ZNF438: variants seen among roughly 807,000 people sequenced by gnomAD.
The protein encoded by ZNF438 is zinc finger protein 438.
In ZNF438, 25 loss-of-function variants were observed where a neutral mutation model predicts 38.0. That is an observed-to-expected ratio of 0.66 (90% CI 0.48 to 0.92). The LOEUF (loss-of-function observed/expected upper bound fraction) is 0.92, where lower values mean the gene tolerates loss of function less well. ZNF438 is among the 40% of genes least tolerant of loss of function. ZNF438 has a pLI of 0.00. For synonymous variants in ZNF438, 372 were observed against 364.1 expected (o/e 1.02, Z -0.25); for missense variants, 1,007 against 999.6 (o/e 1.01, Z -0.10).
intron 3 of ZNF438, among the ~76,000 whole-genome samples, chr10:30,878,789 G>A (rs1003271822): frequency 6.6e-6 from 1 of 152,148 alleles, no homozygotes; most frequent in Non-Finnish European, 1.5e-5. Context: ...GCTCCTGCCG[G>A]CACCCAAAGC....
intron 2 of ZNF438, among the ~76,000 whole-genome samples, chr10:30,936,653 G>A (rs1425012127): frequency 6.6e-6 from 1 of 151,824 alleles, no homozygotes; most frequent in Admixed American, 6.6e-5. Context: ...CAGCCTAGGG[G>A]AGGAGCAAGA....
chr10:30,941,003 T>C (rs2046763321), intron 2 of ZNF438, among the ~76,000 whole-genome samples: 2 of 152,306 alleles, frequency 1.3e-5, no homozygotes, highest in South Asian at 4.1e-4. Context: ...AATACAAGGA[T>C]GATTTTAAGG....
chr10:30,919,919 G>A (rs1390274241), intron 2 of ZNF438: 2 of 152,228 alleles, frequency 1.3e-5, no homozygotes, highest in Non-Finnish European at 2.9e-5. Context: ...ATCAGCATCT[G>A]GGCCATCTTC....
chr10:31,005,202 G>C (rs1450051328), intron 1 of ZNF438, among the ~76,000 whole-genome samples: 2 of 152,140 alleles, frequency 1.3e-5, no homozygotes, highest in East Asian at 1.9e-4. Context: ...AACAATAATA[G>C]CCAAGATATT....
chr10:30,964,674 G>A (rs920872567), intron 1 of ZNF438, among the ~76,000 whole-genome samples: 1 of 152,134 alleles, frequency 6.6e-6, no homozygotes, highest in Non-Finnish European at 1.5e-5. Flanking sequence ...GCAGTGTCAC[G>A]GATAGGTCAG....
chr10:30,857,757 C>A, intron 4 of ZNF438: 1 of 1,453,344 alleles, frequency 6.9e-7, no homozygotes, highest in South Asian at 1.5e-5. Flanking sequence ...CCTCCTCCTC[C>A]ATTGCCATCA....
intron 2 of ZNF438, among the ~76,000 whole-genome samples, chr10:30,929,289 C>T (rs1411307442): frequency 2.6e-5 from 4 of 152,066 alleles, no homozygotes; most frequent in Non-Finnish European, 5.9e-5. Flanking sequence ...GTCGTGTGTT[C>T]GGAGTTTGTT....
At chr10:31,010,954 G>A (rs1320827062) in intron 1 of ZNF438, among the ~76,000 whole-genome samples, 2 of 144,590 alleles carry the variant, frequency 1.4e-5, no homozygotes, top group African/African-American at 5.3e-5. Flanking sequence ...CAGAACCTAT[G>A]GTGTATAATT....
Position 30,902,518 on chromosome 10 carries a change from ATT to A in ZNF438, c.-32+6413_-32+6414del. Among the ~76,000 whole-genome samples, 4 of 152,248 alleles carry A rather than the reference ATT, an allele frequency of 2.6e-5. No homozygotes were observed. In the South Asian group the frequency reaches 8.3e-4, roughly 32 times the overall value. ...CTAGACACAGAGCACTGACTGGTGC[ATT>A]TACAAACTTTGAGCTAGACATAGAG... On this transcript the variant is annotated intron_variant, in intron 3 of 5. Coordinates refer to ENST00000413025, the Ensembl canonical transcript of ZNF438.
chr10:30,909,867 T>C (rs540386877), intron 2 of ZNF438, among the ~76,000 whole-genome samples: 3 of 152,358 alleles, frequency 2.0e-5, no homozygotes, highest in African/African-American at 7.2e-5. Context: ...CATGCCTTGT[T>C]CCAGTTTTGA....
intron 3 of ZNF438, among the ~76,000 whole-genome samples, chr10:30,906,550 G>A (rs1164735231): frequency 6.6e-6 from 1 of 152,014 alleles, no homozygotes; most frequent in African/African-American, 2.4e-5. Context: ...TTTCCAATCT[G>A]GATGCTTTTC....
At chr10:31,024,058 C>G (rs1340823759) in intron 1 of ZNF438, among the ~76,000 whole-genome samples, 1 of 152,182 alleles carries the variant, frequency 6.6e-6, no homozygotes, top group Non-Finnish European at 1.5e-5. Flanking sequence ...ACCAATGATT[C>G]AAGTGGCAAC....
At chr10:30,969,075 T>G (rs1199516515) in intron 1 of ZNF438, among the ~76,000 whole-genome samples, 1 of 152,152 alleles carries the variant, frequency 6.6e-6, no homozygotes, top group Non-Finnish European at 1.5e-5. Context: ...TGGAATTTCA[T>G]GGGTCACTTG....
intron 3 of ZNF438, among the ~76,000 whole-genome samples, chr10:30,902,791 A>G (rs2042167384): frequency 6.6e-6 from 1 of 152,202 alleles, no homozygotes; most frequent in Admixed American, 6.5e-5. Flanking sequence ...GCTGCCTGCC[A>G]GTCCCGCAGT....
intron 1 of ZNF438, among the ~76,000 whole-genome samples, chr10:30,988,664 A>G (rs1350544250): frequency 6.6e-6 from 1 of 152,176 alleles, no homozygotes; most frequent in Non-Finnish European, 1.5e-5. Context: ...CTATATGTTA[A>G]TATGTTTTAG....
At chr10:30,972,488 C>T (rs2050856393) in intron 1 of ZNF438, among the ~76,000 whole-genome samples, 1 of 152,110 alleles carries the variant, frequency 6.6e-6, no homozygotes, top group African/African-American at 2.4e-5. Flanking sequence ...TCCTTCAGAT[C>T]ATCTAGATTT....
At chr10:31,004,435 C>T (rs931374311) in intron 1 of ZNF438, among the ~76,000 whole-genome samples, 2 of 152,122 alleles carry the variant, frequency 1.3e-5, no homozygotes, top group Non-Finnish European at 2.9e-5. Flanking sequence ...GTCTCAAAGG[C>T]CAAGAGACAA....
intron 1 of ZNF438, among the ~76,000 whole-genome samples, chr10:30,973,622 C>A (rs537571145): frequency 1.3e-5 from 2 of 152,080 alleles, no homozygotes; most frequent in Non-Finnish European, 2.9e-5. Flanking sequence ...TCTCTCCCAC[C>A]CCCGGAAGCT....
intron 4 of ZNF438, among the ~76,000 whole-genome samples, chr10:30,863,169 C>G (rs1053478133): frequency 1.3e-5 from 2 of 152,304 alleles, no homozygotes; most frequent in East Asian, 1.9e-4. Flanking sequence ...CCCTGTTATG[C>G]TGATAATTAT....
Sources: gnomAD v4.1 joint callset for allele counts (sites outside exome capture counted in the v4.1 genomes callset) on GRCh38, gnomAD v4.1.1 for gene constraint, MANE v1.5 for transcripts, NCBI Gene and HGNC (gene_info 2026-07-23, HGNC 2026-07-21) for gene names.